FST: variants seen among roughly 807,000 people sequenced by gnomAD.
FST encodes follistatin, also known as activin-binding protein.
Under a neutral mutation model 38.4 loss-of-function variants are expected in FST, and 6 were observed. The observed-to-expected ratio is 0.16, with a 90% CI of 0.09 to 0.31. The LOEUF (loss-of-function observed/expected upper bound fraction) is 0.31. Among genes scored for constraint, FST ranks in the 10% least tolerant of loss-of-function variants. FST has a pLI of 1.00. For missense variants in FST, 301 were observed against 432.3 expected, an observed-to-expected ratio of 0.70 and a Z score of 2.69; for synonymous variants, 157 against 169.8, an observed-to-expected ratio of 0.92 and a Z score of 0.59.
At position 53,484,419 on chromosome 5, in the gene FST, T is replaced by C. The variant is rs547456192; in HGVS notation, c.721+126T>C. The C allele has an allele frequency of 2.8e-5, 27 of 969,976 alleles. No homozygotes were observed. In the Admixed American group the frequency reaches 6.5e-4, roughly 23 times the overall value. The allele number at this position is 969,976 out of a possible 1,614,324, so 60.1% of individuals were successfully genotyped here. On this transcript the variant is annotated intron_variant, in intron 4 of 5. Transcript: ENST00000256759. ...ACCATAGGGAGAAATACGCTGCAATTTGGGGAAAGTGTTGTGACCACAGTA... is the reference window on the plus strand; with the variant it reads ...ACCATAGGGAGAAATACGCTGCAATCTGGGGAAAGTGTTGTGACCACAGTA...
At position 53,486,874 on chromosome 5, in the gene FST, A is replaced by G. The variant is rs956802862; in HGVS notation, c.*841A>G. The G allele has an allele frequency of 6.6e-6, 1 of 152,228 alleles. No homozygotes were observed. Among genetic ancestry groups the G allele is most frequent in the African/African-American group, 2.4e-5 (1 of 41,456 alleles). The allele number at this position is 152,228 out of a possible 1,614,324, so 9.4% of individuals were successfully genotyped here. A position where few individuals can be genotyped will look rare whatever the true frequency, so the allele number is the denominator to read the frequency against. On this transcript the variant is annotated 3_prime_UTR_variant, in exon 6 of 6. Transcript: ENST00000256759. Reference sequence around the variant, plus strand: ...TGTTTCCTTTAAGCTACTCAGCTGTACCTTTTAAATTAGTTCTTTTTCAAC... The same window carrying G: ...TGTTTCCTTTAAGCTACTCAGCTGTGCCTTTTAAATTAGTTCTTTTTCAAC...
In FST at chr5:53,486,649, C is replaced by T. The variant is rs941714786; in HGVS notation, c.*616C>T. 1.3e-5 allele frequency: 2 copies of T among 152,224 alleles called. No individual in the cohort carries two copies. The highest frequency in any genetic ancestry group is 4.8e-5 in the African/African-American group (2 of 41,450). 9.4% of individuals were successfully genotyped at this position (152,224 alleles called of 1,614,324 possible). A position where few individuals can be genotyped will look rare whatever the true frequency, so the allele number is the denominator to read the frequency against. On this transcript the variant is annotated 3_prime_UTR_variant, in exon 6 of 6. Transcript: ENST00000256759. ...TGACCAAAAGGCATTATAACTCTGA[C>T]TCAAATACAAGGTACAGAAGATAAG...
At chr5:53,485,821 C>T in intron 5 of FST, 130 bp from the exon 6 acceptor site, 1 of 1,596,386 alleles carries the variant, frequency 6.3e-7, no homozygotes, top group Non-Finnish European at 8.5e-7. Flanking sequence ...AAGCATCTCA[C>T]TGCAAGTCAC....
In FST at chr5:53,483,956, G is replaced by A; in HGVS notation, c.497-113G>A. ...TCTTGAAAACTACAGGGCTCCCTAA[G>A]TGCCTTTTGAAAGCTGGATGCTTCA... is the stretch of plus-strand genomic sequence containing the variant. On this transcript the variant is annotated intron_variant, in intron 3 of 5. Coordinates refer to ENST00000256759, the MANE Select transcript of FST (RefSeq NM_013409.3). This position sits in a 1 kb window ranked among gnomAD's most constrained non-coding sequence, Gnocchi z 4.1. 1 of 889,276 alleles carries A rather than the reference G, an allele frequency of 1.1e-6. No individual in the cohort carries two copies. Among genetic ancestry groups the A allele is most frequent in the Non-Finnish European group, 1.8e-6 (1 of 565,036 alleles). 55.1% of individuals were successfully genotyped at this position (889,276 alleles called of 1,614,324 possible). A position where few individuals can be genotyped will look rare whatever the true frequency, so the allele number is the denominator to read the frequency against.
intron 4 of FST, 132 bp downstream of exon 4, chr5:53,484,425 A>G: frequency 6.5e-6 from 6 of 927,204 alleles, no homozygotes; most frequent in Non-Finnish European, 9.6e-6. Flanking sequence ...CAATTTGGGG[A>G]AAGTGTTGTG....
chr5:53,483,155 G>C lies in FST; in HGVS notation c.277+84G>C, dbSNP rs191939910. The C allele has an allele frequency of 5.3e-5, 49 of 916,856 alleles. No homozygotes were observed. In the Middle Eastern group the frequency reaches 9.4e-4, roughly 18 times the overall value. 56.8% of individuals were successfully genotyped at this position (916,856 alleles called of 1,614,324 possible). ...TCCCCACTACCTGACTGGGGTTTGGGAGTAGGAGAGCTTTGTTCCTGGGCT... is the reference window on the plus strand; with the variant it reads ...TCCCCACTACCTGACTGGGGTTTGGCAGTAGGAGAGCTTTGTTCCTGGGCT... On this transcript the variant is annotated intron_variant, in intron 2 of 5. Coordinates refer to ENST00000256759, the MANE Select transcript of FST (RefSeq NM_013409.3). The surrounding 1 kb of genome is among the most constrained non-coding windows in gnomAD (Gnocchi z 4.1).
chr5:53,484,219 G>A lies in FST; in HGVS notation c.647G>A (p.Ser216Asn). Residue 216 changes from serine (S) to asparagine (N), a missense_variant, in exon 4 of 6, where the codon AGT becomes AAT. Physicochemically the swap from Ser to Asn is conservative, Grantham distance 46. Coordinates refer to ENST00000256759, the MANE Select transcript of FST (RefSeq NM_013409.3). ...LCGNDGVTYS[S>N]ACHLRKATCL... ...GGGAATGATGGAGTCACCTACTCCA[G>A]TGCCTGCCACCTGAGAAAGGCTACC... 4 of 1,611,952 alleles carry A rather than the reference G, an allele frequency of 2.5e-6. No individual in the cohort carries two copies. Among genetic ancestry groups the A allele is most frequent in the Non-Finnish European group, 3.4e-6 (4 of 1,177,936 alleles).
rs375355127 is a variant in FST at position 53,485,235 on chromosome 5, C to G, written c.952+8C>G. 2 of 1,468,262 alleles carry G rather than the reference C, an allele frequency of 1.4e-6. No homozygotes were observed. Among genetic ancestry groups the G allele is most frequent in the African/African-American group, 1.4e-5 (1 of 72,168 alleles). The allele number at this position is 1,468,262 out of a possible 1,614,324, so 91.0% of individuals were successfully genotyped here. The stretch of plus-strand genomic sequence containing the variant: ...ACTCCGGATCTTGCAACTGTAAGTG[C>G]GATTTTTAACCTTGCTGCCATTTAA... On this transcript the variant is annotated splice_region_variant and intron_variant, in intron 5 of 5. Transcript: ENST00000256759.
At chr5:53,485,670 T>C (rs1747508784) in intron 5 of FST, 1 of 1,559,342 alleles carries the variant, frequency 6.4e-7, no homozygotes, top group African/African-American at 1.4e-5. Flanking sequence ...ACAAGAGCGC[T>C]TTTTATCTAA....
chr5:53,482,516 A>G (rs1460263393), intron 1 of FST, among the ~76,000 whole-genome samples: 2 of 152,028 alleles, frequency 1.3e-5, no homozygotes, highest in East Asian at 3.9e-4. Context: ...AGGTTATGAA[A>G]TGGGACGAAT....
chr5:53,482,654 T>A, intron 1 of FST: 11 of 412,664 alleles, frequency 2.7e-5, no homozygotes, highest in East Asian at 8.4e-5. Flanking sequence ...CTCGCCCACC[T>A]CCCATCTCTG....
chr5:53,483,138 A>C lies in FST; in HGVS notation c.277+67A>C. The C allele has an allele frequency of 9.4e-7, 1 of 1,058,380 alleles. No homozygotes were observed. The highest frequency in any genetic ancestry group is 1.4e-6 in the Non-Finnish European group (1 of 696,046). 65.6% of individuals were successfully genotyped at this position (1,058,380 alleles called of 1,614,324 possible). The stretch of plus-strand genomic sequence containing the variant: ...GCGTCTTACCCTTAGCTTCCCCACT[A>C]CCTGACTGGGGTTTGGGAGTAGGAG... On this transcript the variant is annotated intron_variant, in intron 2 of 5. Coordinates refer to ENST00000256759, the MANE Select transcript of FST (RefSeq NM_013409.3). The surrounding 1 kb of genome is among the most constrained non-coding windows in gnomAD (Gnocchi z 4.1).
chr5:53,482,185 A>G (rs1747260437), intron 1 of FST, among the ~76,000 whole-genome samples: 1 of 151,302 alleles, frequency 6.6e-6, no homozygotes, highest in South Asian at 2.1e-4. Flanking sequence ...TTTTGCTTTC[A>G]TTTTTCAGAA....
intron 1 of FST, among the ~76,000 whole-genome samples, chr5:53,482,304 C>G (rs1026670206): frequency 6.9e-6 from 1 of 144,382 alleles, no homozygotes; most frequent in African/African-American, 2.6e-5. Flanking sequence ...CTTTCTTTCT[C>G]TTCTTTCTTT....
In FST at chr5:53,483,080, C is replaced by A; in HGVS notation, c.277+9C>A. 1 of 1,599,370 alleles carries A rather than the reference C, an allele frequency of 6.3e-7. No individual in the cohort carries two copies. Among genetic ancestry groups the A allele is most frequent in the Non-Finnish European group, 8.6e-7 (1 of 1,168,518 alleles). On this transcript the variant is annotated intron_variant, in intron 2 of 5. Transcript: ENST00000256759. This position sits in a 1 kb window ranked among gnomAD's most constrained non-coding sequence, Gnocchi z 4.1. ...CTGCATCCCCTGTAAAGGTAGGACT[C>A]CTTCTTCCCAACTTGCAGGCCCTCA...
Position 53,485,019 on chromosome 5 carries a change from C to G in FST, c.744C>G (p.Ile248Met), listed in dbSNP as rs755684036. ...TAGAAGCAAAGTCCTGTGAAGATAT[C>G]CAGTGCACTGGTGGGAAAAAATGTT... is the stretch of plus-strand genomic sequence containing the variant. Reference protein sequence around the residue: ...KCIKAKSCEDIQCTGGKKCLW... With the variant: ...KCIKAKSCEDMQCTGGKKCLW... Residue 248 changes from isoleucine to methionine, a missense_variant, in exon 5 of 6, where the codon ATC (isoleucine) becomes ATG (methionine). Physicochemically the swap from Ile to Met is conservative, Grantham distance 10 (BLOSUM62 1). Coordinates refer to ENST00000256759, the MANE Select transcript of FST (RefSeq NM_013409.3). 6.3e-7 allele frequency: 1 copy of G among 1,597,590 alleles called. No individual in the cohort carries two copies. Among genetic ancestry groups the G allele is most frequent in the Non-Finnish European group, 8.6e-7 (1 of 1,164,938 alleles).
chr5:53,485,369 A>G (rs984589476), intron 5 of FST, 142 bp downstream of exon 5: 49 of 627,492 alleles, frequency 7.8e-5, no homozygotes, highest in South Asian at 7.6e-5. Flanking sequence ...CAGCAATTCA[A>G]TAATCCACAG....
intron 1 of FST, among the ~76,000 whole-genome samples, chr5:53,481,462 C>CAA (rs70983342): frequency 0.15 from 7,079 of 47,824 alleles, 1,018 homozygotes; most frequent in Middle Eastern, 0.21. Context: ...CCCATTCTCG[C>CAA]AAAAAAAAAA....
chr5:53,484,800 T>C (rs1022585829), intron 4 of FST, among the ~76,000 whole-genome samples, 197 bp from the exon 5 acceptor site: 1 of 152,242 alleles, frequency 6.6e-6, no homozygotes, highest in African/African-American at 2.4e-5. Flanking sequence ...TGTGTATGTG[T>C]GTGTGCATTT....
Sources: gnomAD v4.1 joint callset for allele counts (sites outside exome capture counted in the v4.1 genomes callset) on GRCh38, gnomAD v4.1.1 for gene constraint, Gnocchi (gnomAD v3.1) non-coding constraint, MANE v1.5 for transcripts, NCBI Gene and HGNC (gene_info 2026-07-23, HGNC 2026-07-21) for gene names.